The following PCLO variants were observed in gnomAD, a reference collection of about 807,000 sequenced individuals.
PCLO encodes piccolo presynaptic cytomatrix protein.
A neutral mutation model predicts 427.5 loss-of-function variants in PCLO; 82 were observed. The observed-to-expected ratio is 0.19, with a 90% confidence interval of 0.16 to 0.23. The LOEUF is 0.23. PCLO is among the 10% of genes least tolerant of loss of function. The probability of loss-of-function intolerance (pLI) is 1.00; values close to 1 mark genes in which losing one functional copy is unlikely to be tolerated. For synonymous variants in PCLO, 2,357 were observed against 2,155.4 expected (o/e 1.09, Z -2.59); for missense variants, 6,239 against 6,115.9 (o/e 1.02, Z -0.67).
In PCLO at chr7:82,954,083, A is replaced by G. The variant is rs767910603; in HGVS notation, c.6870T>C (p.Ser2290=). The change falls in exon 5 of 25, where the codon TCT becomes TCC. Residue 2290 remains serine (S), a synonymous_variant. Coordinates refer to ENST00000333891, the MANE Select transcript of PCLO (RefSeq NM_033026.6). ...CCTTTTCAGATATAAGTAAGTCAGT[A>G]GAAACAGTGTCAGCAACTGGCCCTT... ...KPEGPVADTV[S]TDLLISEKDP... is the part of the protein sequence containing the mutation. 2 of 1,613,898 alleles carry G rather than the reference A, an allele frequency of 1.2e-6. No individual in the cohort carries two copies. The highest frequency in any genetic ancestry group is 4.5e-5 in the East Asian group (2 of 44,878).
chr7:82,956,530 TTTC>T lies in PCLO; in HGVS notation c.4420_4422del (p.Glu1474del), dbSNP rs1795526369. 1 of 1,612,398 alleles carries T rather than the reference TTTC, an allele frequency of 6.2e-7. No homozygotes were observed. The highest frequency in any genetic ancestry group is 1.1e-5 in the South Asian group (1 of 90,734). Reference sequence around the variant, plus strand: ...CTATCTTTTTTAAAAGTGTCTTTCCTTTCTTCTTGACTCTCTTTGATCTCCTCT... The same window carrying T: ...CTATCTTTTTTAAAAGTGTCTTTCCTTTCTTGACTCTCTTTGATCTCCTCT... On this transcript the variant is annotated inframe_deletion, in exon 5 of 25. Coordinates refer to ENST00000333891, the MANE Select transcript of PCLO (RefSeq NM_033026.6).
At chr7:83,161,233 ATT>A (rs11310184) in intron 1 of PCLO, among the ~76,000 whole-genome samples, 1 of 149,964 alleles carries the variant, frequency 6.7e-6, no homozygotes, top group African/African-American at 2.4e-5. Flanking sequence ...GACTAAGTTA[ATT>A]TTTTTTTTAT....
intron 22 of PCLO, among the ~76,000 whole-genome samples, chr7:82,764,885 A>T (rs984633367): frequency 6.6e-6 from 1 of 151,952 alleles, no homozygotes; most frequent in Non-Finnish European, 1.5e-5. Context: ...GAACTAAAAA[A>T]CTAGATAAAA....
At chr7:83,016,721 G>C (rs17157035) in intron 3 of PCLO, among the ~76,000 whole-genome samples, 2,473 of 152,190 alleles carry the variant, frequency 0.016, 79 homozygotes, top group African/African-American at 0.057. Context: ...CATGGGAAAA[G>C]TAAATATTAT....
At chr7:83,107,272 T>C (rs187819954) in intron 3 of PCLO, among the ~76,000 whole-genome samples, 3 of 152,264 alleles carry the variant, frequency 2.0e-5, no homozygotes, top group Admixed American at 1.3e-4. Flanking sequence ...TGTACCTCTA[T>C]TTACATTTTC....
At chr7:82,789,341 A>G (rs1428067967) in intron 22 of PCLO, among the ~76,000 whole-genome samples, 1 of 152,226 alleles carries the variant, frequency 6.6e-6, no homozygotes, top group Non-Finnish European at 1.5e-5. Flanking sequence ...ATCAATTAGA[A>G]TAACCTAATT....
chr7:82,777,976 A>T (rs1790788997), intron 22 of PCLO, among the ~76,000 whole-genome samples: 1 of 152,144 alleles, frequency 6.6e-6, no homozygotes. Flanking sequence ...AAACAGACAA[A>T]CTACAGAATG....
intron 3 of PCLO, among the ~76,000 whole-genome samples, chr7:83,089,312 T>C (rs1790319614): frequency 1.3e-5 from 2 of 152,122 alleles, no homozygotes. Context: ...AGATGACTTG[T>C]TCTATTTCAC....
chr7:82,806,723 T>C (rs376062767), intron 20 of PCLO, among the ~76,000 whole-genome samples: 1 of 152,194 alleles, frequency 6.6e-6, no homozygotes, highest in African/African-American at 2.4e-5. Context: ...CAACCCACTC[T>C]TTAGCAACTG....
At chr7:82,902,921 T>G (rs1210538492) in intron 8 of PCLO, among the ~76,000 whole-genome samples, 180 bp from the exon 9 acceptor site, 2 of 152,086 alleles carry the variant, frequency 1.3e-5, no homozygotes, top group African/African-American at 4.8e-5. Context: ...TATTACTGGT[T>G]CTGAGTTCTT....
At chr7:82,786,538 T>C (rs1349088656) in intron 22 of PCLO, among the ~76,000 whole-genome samples, 1 of 152,172 alleles carries the variant, frequency 6.6e-6, no homozygotes, top group Non-Finnish European at 1.5e-5. Context: ...CCTAGATTGA[T>C]TCTAGATCGT....
intron 22 of PCLO, among the ~76,000 whole-genome samples, chr7:82,765,409 TAATAAAG>T (rs1213447470): frequency 1.3e-5 from 2 of 150,834 alleles, no homozygotes; most frequent in South Asian, 2.1e-4. Context: ...CCACTAAAAT[TAATAAAG>T]TAGGGAACAG....
At chr7:82,874,454 G>A (rs968443793) in intron 10 of PCLO, among the ~76,000 whole-genome samples, 1 of 152,070 alleles carries the variant, frequency 6.6e-6, no homozygotes, top group African/African-American at 2.4e-5. Flanking sequence ...TCAAAAAGAA[G>A]TTTCCCTTCG....
At chr7:82,848,242 T>C (rs1792554366) in intron 10 of PCLO, among the ~76,000 whole-genome samples, 1 of 151,012 alleles carries the variant, frequency 6.6e-6, no homozygotes, top group Non-Finnish European at 1.5e-5. Context: ...TTTGTGAACT[T>C]CACCAGCTTT....
At chr7:82,764,982 A>C (rs539857839) in intron 22 of PCLO, among the ~76,000 whole-genome samples, 1 of 151,922 alleles carries the variant, frequency 6.6e-6, no homozygotes, top group Non-Finnish European at 1.5e-5. Context: ...CCTTTTTCTT[A>C]ATCATCTATG....
chr7:82,893,151 T>C (rs1223547650), intron 9 of PCLO, among the ~76,000 whole-genome samples: 3 of 151,982 alleles, frequency 2.0e-5, no homozygotes, highest in Non-Finnish European at 4.4e-5. Context: ...CTATTCACAA[T>C]AGCAAAGACT....
At chr7:83,159,574 T>C (rs966811129) in intron 1 of PCLO, among the ~76,000 whole-genome samples, 2 of 152,066 alleles carry the variant, frequency 1.3e-5, no homozygotes, top group Non-Finnish European at 2.9e-5. Context: ...CATTTTACTA[T>C]TGTCATCCTT....
intron 17 of PCLO, among the ~76,000 whole-genome samples, chr7:82,827,500 ATT>A (rs958022717): frequency 6.6e-6 from 1 of 151,680 alleles, no homozygotes; most frequent in East Asian, 1.9e-4. Context: ...ACTGAATCTT[ATT>A]TTTTTTGTGT....
intron 9 of PCLO, among the ~76,000 whole-genome samples, chr7:82,893,913 C>T (rs539938350): frequency 6.6e-6 from 1 of 151,670 alleles, no homozygotes; most frequent in Non-Finnish European, 1.5e-5. Flanking sequence ...GAAATCAATA[C>T]TATAATGGAA....
Sources: allele counts gnomAD v4.1 joint callset (sites outside exome capture counted in the v4.1 genomes callset), GRCh38; gene constraint gnomAD v4.1.1; transcripts MANE v1.5; gene names NCBI Gene and HGNC (gene_info 2026-07-23, HGNC 2026-07-21).